Variants in FYB1 observed in about 807,000 individuals in gnomAD.
FYB1 encodes the protein FYN-binding protein 1.
FYB1 carries 41 observed loss-of-function variants against 94.1 expected under a neutral mutation model. That is an observed-to-expected ratio of 0.44 (90% confidence interval 0.34 to 0.57). FYB1 has a LOEUF of 0.57. FYB1 is among the 20% of genes least tolerant of loss of function. The probability of loss-of-function intolerance (pLI) is 0.02; values close to 1 mark genes in which losing one functional copy is unlikely to be tolerated. For missense variants in FYB1, 1,050 were observed against 976.8 expected (o/e 1.07, Z -1.00); for synonymous variants, 367 against 353.2 (o/e 1.04, Z -0.44).
rs747268330 is a variant in FYB1 at position 39,231,147 on chromosome 5, C to CAAAAAAAAAAAAAA, written c.-27-28174_-27-28161dup. Among the ~76,000 whole-genome samples the CAAAAAAAAAAAAAA allele has an allele frequency of 1.7e-3, 68 of 40,840 alleles. 1 individual carries two copies. The highest frequency in any genetic ancestry group is 2.4e-3 in the African/African-American group (28 of 11,914). 26.8% of individuals were successfully genotyped at this position (40,840 alleles called of 152,430 possible). A position where few individuals can be genotyped will look rare whatever the true frequency, so the allele number is the denominator to read the frequency against. On this transcript the variant is annotated intron_variant, in intron 1 of 1. Transcript: ENST00000510188. ...ATAGAAAAAAGTACTCAGCTCAGAG[C>CAAAAAAAAAAAAAA]AAAAAAAAAAAAAACAAAAAAAAAC...
intron 2 of FYB1, among the ~76,000 whole-genome samples, chr5:39,192,176 T>G (rs1264085708): frequency 6.6e-6 from 1 of 152,220 alleles, no homozygotes; most frequent in African/African-American, 2.4e-5. Context: ...TAGCTAGTTT[T>G]AAACATTTGA....
chr5:39,211,497 ATTT>A (rs1235981342), intron 1 of FYB1, among the ~76,000 whole-genome samples: 1 of 151,656 alleles, frequency 6.6e-6, no homozygotes, highest in East Asian at 1.9e-4. Flanking sequence ...AATTTTTTGT[ATTT>A]TTAGCAGAGA....
intron 1 of FYB1, among the ~76,000 whole-genome samples, chr5:39,272,390 C>T (rs1198547416): frequency 6.6e-6 from 1 of 151,870 alleles, no homozygotes; most frequent in Non-Finnish European, 1.5e-5. Flanking sequence ...TCAGCCCGGG[C>T]GCGGTGGCTC....
At chr5:39,191,942 A>T (rs1331749546) in intron 2 of FYB1, among the ~76,000 whole-genome samples, 1 of 152,254 alleles carries the variant, frequency 6.6e-6, no homozygotes, top group Non-Finnish European at 1.5e-5. Context: ...TTTTCAAAAC[A>T]AAAAGCATGC....
At chr5:39,158,544 T>A (rs10060654) in intron 2 of FYB1, among the ~76,000 whole-genome samples, 5,578 of 152,230 alleles carry the variant, frequency 0.037, 329 homozygotes, top group African/African-American at 0.13. Flanking sequence ...GGTATACTCA[T>A]GGGAAATGGA....
rs185964886 is a variant in FYB1 at position 39,215,317 on chromosome 5, C to T, written c.-28+4126G>A. 9.9e-4 allele frequency among the ~76,000 whole-genome samples: 151 copies of T among 152,042 alleles called. 1 individual carries two copies. The highest frequency in any genetic ancestry group is 3.2e-3 in the African/African-American group (134 of 41,484). On this transcript the variant is annotated intron_variant, in intron 1 of 18. Coordinates refer to ENST00000512982, the MANE Select transcript of FYB1 (RefSeq NM_001465.6). ...TAATATGAATAAAATAATAAAAAATCCATTTGAGAAATATAAACACAACTC... is the reference window on the plus strand; with the variant it reads ...TAATATGAATAAAATAATAAAAAATTCATTTGAGAAATATAAACACAACTC...
chr5:39,204,654 C>T (rs933307714), intron 1 of FYB1, among the ~76,000 whole-genome samples: 1 of 152,106 alleles, frequency 6.6e-6, no homozygotes, highest in Non-Finnish European at 1.5e-5. Context: ...CAGGGCCTGG[C>T]TCCCTCAGGA....
At chr5:39,247,033 A>C (rs1480710000) in intron 1 of FYB1, among the ~76,000 whole-genome samples, 1 of 146,454 alleles carries the variant, frequency 6.8e-6, no homozygotes, top group African/African-American at 2.5e-5. Context: ...ATATGTGTAA[A>C]GCCCATAAGA....
intron 3 of FYB1, among the ~76,000 whole-genome samples, chr5:39,146,361 G>A (rs900820031): frequency 1.8e-4 from 28 of 152,116 alleles, no homozygotes; most frequent in Non-Finnish European, 3.8e-4. Flanking sequence ...TAATTATGGG[G>A]TAATTGCTTC....
chr5:39,148,071 T>C (rs914175203), intron 3 of FYB1, among the ~76,000 whole-genome samples: 6 of 147,136 alleles, frequency 4.1e-5, no homozygotes, highest in Admixed American at 3.4e-4. Context: ...AGGGAAGCCA[T>C]TGCTCCCCGC....
chr5:39,120,890 GA>G (rs1165789224), intron 14 of FYB1, among the ~76,000 whole-genome samples: 1 of 151,906 alleles, frequency 6.6e-6, no homozygotes, highest in East Asian at 1.9e-4. Flanking sequence ...GGCATTTGTG[GA>G]ATTACTGCCC....
intron 6 of FYB1, 55 bp from the exon 7 acceptor site, chr5:39,137,775 A>G: frequency 6.5e-7 from 1 of 1,545,962 alleles, no homozygotes. Flanking sequence ...GATGCGTCGG[A>G]ACTCCCTACC....
chr5:39,263,271 T>C (rs1455696380), intron 1 of FYB1, among the ~76,000 whole-genome samples: 1 of 152,168 alleles, frequency 6.6e-6, no homozygotes, highest in Non-Finnish European at 1.5e-5. Context: ...AAGAAGTGTC[T>C]CACATCTCCT....
In FYB1 at chr5:39,126,099, C is replaced by G; in HGVS notation, c.1944G>C (p.Trp648Cys). 2 of 1,613,510 alleles carry G rather than the reference C, an allele frequency of 1.2e-6. No individual in the cohort carries two copies. The highest frequency in any genetic ancestry group is 1.3e-5 in the African/African-American group (1 of 74,998). ...TTAACATCTTCAAAATCCCCCAGGA[C>G]CACGTATTACTCTTCTCTTGAACCT... ...TLQVQEKSNT[W>C]SWGILKMLKG... Residue 648 changes from tryptophan to cysteine, a missense_variant, in exon 12 of 19, where the codon TGG (tryptophan) becomes TGC (cysteine). By Grantham distance (215) the Trp-to-Cys change is radical. Coordinates refer to ENST00000512982, the MANE Select transcript of FYB1 (RefSeq NM_001465.6).
intron 10 of FYB1, 138 bp from the exon 11 acceptor site, chr5:39,127,945 CA>C: frequency 1.3e-6 from 1 of 787,140 alleles, no homozygotes; most frequent in Non-Finnish European, 1.9e-6. Flanking sequence ...TAAATAAAAA[CA>C]CTTTGTTGAT....
At position 39,202,699 on chromosome 5, in the gene FYB1, C is replaced by A. The variant is rs201060938; in HGVS notation, c.262G>T (p.Ala88Ser). 6.2e-7 allele frequency: 1 copy of A among 1,613,888 alleles called. No homozygotes were observed. Among genetic ancestry groups the A allele is most frequent in the South Asian group, 1.1e-5 (1 of 91,060 alleles). The change falls in exon 2 of 19, where the codon GCA becomes TCA. Residue 88 changes from alanine to serine, a missense_variant. Ala to Ser is a moderately conservative substitution (Grantham distance 99, BLOSUM62 1). Transcript: ENST00000512982. ...GCTGGTGTTCCGAATCTTTGGCCTG[C>A]TCCAGTGGGCTTTAGAAACGGGGGC... ...PKPPFLKPTG[A>S]GQRFGTPASL...
intron 1 of FYB1, among the ~76,000 whole-genome samples, chr5:39,243,481 T>C (rs1030086695): frequency 5.3e-5 from 8 of 151,996 alleles, no homozygotes; most frequent in African/African-American, 1.9e-4. Context: ...GAGGGCTCTG[T>C]TCTGTTCCAT....
chr5:39,269,798 C>T (rs940669993), intron 1 of FYB1: 3 of 152,238 alleles, frequency 2.0e-5, no homozygotes, highest in African/African-American at 7.2e-5. Flanking sequence ...GAAGGAATAA[C>T]CAGTTTCCAG....
At chr5:39,166,460 A>C (rs967167518) in intron 2 of FYB1, among the ~76,000 whole-genome samples, 2 of 151,850 alleles carry the variant, frequency 1.3e-5, no homozygotes, top group Non-Finnish European at 2.9e-5. Context: ...AAAGAAATAA[A>C]GATATCATTT....
Sources: allele counts gnomAD v4.1 joint callset (sites outside exome capture counted in the v4.1 genomes callset), GRCh38; gene constraint gnomAD v4.1.1; transcripts MANE v1.5; gene names NCBI Gene and HGNC (gene_info 2026-07-23, HGNC 2026-07-21).